Variants in LPP observed in about 807,000 individuals in gnomAD.
LPP encodes the protein LIM domain containing preferred translocation partner in lipoma.
Under a neutral mutation model 60.4 loss-of-function variants are expected in LPP, and 38 were observed. The ratio of observed to expected loss-of-function variants is 0.63; its 90% CI spans 0.49 to 0.83. LPP has a LOEUF of 0.83. Among genes scored for constraint, LPP ranks in the 40% least tolerant of loss-of-function variants. The pLI is 0.00. For missense variants in LPP, 902 were observed against 783.6 expected, an observed-to-expected ratio of 1.15 and a Z score of -1.80; for synonymous variants, 328 against 290.8, an observed-to-expected ratio of 1.13 and a Z score of -1.30.
At chr3:188,458,493 A>G (rs1486652175) in intron 4 of LPP, among the ~76,000 whole-genome samples, 1 of 152,202 alleles carries the variant, frequency 6.6e-6, no homozygotes, top group Non-Finnish European at 1.5e-5. Context: ...TAAACAGTTT[A>G]TTATGGAAAT....
chr3:188,175,065 G>C (rs923802478), intron 1 of LPP, among the ~76,000 whole-genome samples: 1 of 152,078 alleles, frequency 6.6e-6, no homozygotes, highest in Non-Finnish European at 1.5e-5. Context: ...CTCAAATTTA[G>C]TTTCTTTAGA....
intron 3 of LPP, among the ~76,000 whole-genome samples, chr3:188,373,783 A>G (rs1331932474): frequency 2.0e-5 from 3 of 151,954 alleles, no homozygotes; most frequent in African/African-American, 7.3e-5. Context: ...GTCCTTGCCC[A>G]TGCCTATGTC....
chr3:188,634,523 G>T (rs1848378124), intron 7 of LPP, among the ~76,000 whole-genome samples: 1 of 152,200 alleles, frequency 6.6e-6, no homozygotes, highest in Non-Finnish European at 1.5e-5. Flanking sequence ...GTCAGTGGCG[G>T]GCAAGTGGGC....
chr3:188,603,668 T>C (rs1841883551), intron 6 of LPP, among the ~76,000 whole-genome samples: 1 of 152,146 alleles, frequency 6.6e-6, no homozygotes, highest in Non-Finnish European at 1.5e-5. Context: ...TACCAATAGG[T>C]ATTTTAGCTT....
chr3:188,720,363 G>T (rs1459096300), intron 8 of LPP, among the ~76,000 whole-genome samples: 2 of 152,134 alleles, frequency 1.3e-5, no homozygotes, highest in Non-Finnish European at 2.9e-5. Flanking sequence ...TAGGGCCAAG[G>T]GCTTTGATAG....
intron 1 of LPP, among the ~76,000 whole-genome samples, chr3:188,191,340 C>T (rs1402247936): frequency 2.6e-5 from 4 of 152,210 alleles, no homozygotes; most frequent in Admixed American, 2.0e-4. Flanking sequence ...TTATTTGCTA[C>T]GCTTTGTGTG....
intron 7 of LPP, among the ~76,000 whole-genome samples, chr3:188,652,116 A>G (rs1852213643): frequency 1.3e-5 from 2 of 152,238 alleles, no homozygotes; most frequent in East Asian, 1.9e-4. Context: ...AGAATTTCTA[A>G]TTGACATGAA....
intron 6 of LPP, among the ~76,000 whole-genome samples, chr3:188,585,349 T>G (rs553374414): frequency 6.6e-6 from 1 of 152,234 alleles, no homozygotes; most frequent in South Asian, 2.1e-4. Context: ...TCATTTTATG[T>G]TGGGATCTAT....
intron 6 of LPP, among the ~76,000 whole-genome samples, chr3:188,537,205 A>G (rs1489415134): frequency 6.6e-6 from 1 of 152,240 alleles, no homozygotes; most frequent in African/African-American, 2.4e-5. Flanking sequence ...AAGGAAAGAT[A>G]GGAAAATCAG....
chr3:188,701,005 G>T (rs1437630390), intron 7 of LPP, among the ~76,000 whole-genome samples: 1 of 152,196 alleles, frequency 6.6e-6, no homozygotes, highest in Non-Finnish European at 1.5e-5. Flanking sequence ...AAAATCACTG[G>T]ACAACTTAAA....
At chr3:188,543,486 A>G (rs572572510) in intron 6 of LPP, among the ~76,000 whole-genome samples, 2 of 152,274 alleles carry the variant, frequency 1.3e-5, no homozygotes, top group East Asian at 3.9e-4. Flanking sequence ...CTGAAGGTTC[A>G]ACGGGAGAAC....
intron 6 of LPP, among the ~76,000 whole-genome samples, chr3:188,582,576 A>G (rs1490409711): frequency 6.6e-6 from 1 of 152,080 alleles, no homozygotes; most frequent in Admixed American, 6.5e-5. Context: ...GAGAGCCTTT[A>G]ACTACTATGG....
intron 7 of LPP, among the ~76,000 whole-genome samples, chr3:188,655,663 T>A (rs889787745): frequency 1.1e-4 from 17 of 152,210 alleles, no homozygotes; most frequent in Non-Finnish European, 2.5e-4. Flanking sequence ...GTTTCCAACC[T>A]TAAGTTTTCT....
chr3:188,256,092 C>T (rs1731573594), intron 2 of LPP, among the ~76,000 whole-genome samples: 1 of 152,020 alleles, frequency 6.6e-6, no homozygotes. Flanking sequence ...GAGACTCCAC[C>T]AACTAATTGA....
chr3:188,200,487 G>A (rs1231085660), intron 1 of LPP, among the ~76,000 whole-genome samples: 1 of 152,156 alleles, frequency 6.6e-6, no homozygotes, highest in Non-Finnish European at 1.5e-5. Context: ...CCAGGGATAA[G>A]GAAGATGTGA....
At chr3:188,746,404 A>G (rs1577319048) in intron 8 of LPP, 1 of 470,436 alleles carries the variant, frequency 2.1e-6, no homozygotes, top group Non-Finnish European at 4.3e-6. Context: ...AATTAGTAGT[A>G]TGGCCACAAA....
intron 9 of LPP, among the ~76,000 whole-genome samples, chr3:188,793,267 T>G (rs140147112): frequency 6.6e-6 from 1 of 151,650 alleles, no homozygotes; most frequent in Non-Finnish European, 1.5e-5. Flanking sequence ...CCGCAACCTA[T>G]GCCTCCTGAG....
At chr3:188,757,674 T>G (rs1219167891) in intron 8 of LPP, among the ~76,000 whole-genome samples, 3 of 152,170 alleles carry the variant, frequency 2.0e-5, no homozygotes, top group African/African-American at 7.2e-5. Context: ...AGAATTTTGT[T>G]GACCTGCCTG....
chr3:188,203,203 T>C (rs1731601323), intron 1 of LPP, among the ~76,000 whole-genome samples: 1 of 134,062 alleles, frequency 7.5e-6, no homozygotes. Flanking sequence ...ATTATATATA[T>C]TAAATTATAA....
Sources: allele counts gnomAD v4.1 joint callset (sites outside exome capture counted in the v4.1 genomes callset), GRCh38; gene constraint gnomAD v4.1.1; transcripts MANE v1.5; gene names NCBI Gene and HGNC (gene_info 2026-07-23, HGNC 2026-07-21).